TIAM1: variants seen among roughly 807,000 people sequenced by gnomAD.
TIAM1 encodes the protein rho guanine nucleotide exchange factor TIAM1.
TIAM1 carries 65 observed loss-of-function variants against 163.5 expected under a neutral mutation model. The observed-to-expected ratio is 0.40, with a 90% confidence interval of 0.33 to 0.49. The LOEUF is 0.49. TIAM1 is among the 20% of genes least tolerant of loss of function. The pLI is 0.77. For synonymous variants in TIAM1, 833 were observed against 810.1 expected (o/e 1.03, Z -0.48); for missense variants, 1,789 against 2,044.7 (o/e 0.87, Z 2.41).
chr21:31,137,431 C>T (rs1175419462), intron 22 of TIAM1, among the ~76,000 whole-genome samples: 1 of 152,110 alleles, frequency 6.6e-6, no homozygotes, highest in South Asian at 2.1e-4. Flanking sequence ...ATCAACCAAA[C>T]CCCCAGGATA....
At position 31,373,236 on chromosome 21, in the gene TIAM1, G is replaced by C. The variant is rs894153558; in HGVS notation, c.-368-33814C>G. Among the ~76,000 whole-genome samples, 10 of 152,184 alleles carry C rather than the reference G, an allele frequency of 6.6e-5. No individual in the cohort carries two copies. In the South Asian group the frequency reaches 1.2e-3, roughly 19 times the overall value. The stretch of plus-strand genomic sequence containing the variant: ...GCCCGAGAGGCAGAGGTTGCAGTAA[G>C]GTGAGACTATACCACTGCACTCCAG... On this transcript the variant is annotated intron_variant, in intron 2 of 28. Transcript: ENST00000286827.
chr21:31,375,173 T>C (rs1277521352), intron 2 of TIAM1, among the ~76,000 whole-genome samples: 1 of 152,206 alleles, frequency 6.6e-6, no homozygotes, highest in Non-Finnish European at 1.5e-5. Flanking sequence ...AAACATCCAG[T>C]ATGCGGTTGG....
chr21:31,405,167 G>A (rs1429313097), intron 2 of TIAM1, among the ~76,000 whole-genome samples: 2 of 152,108 alleles, frequency 1.3e-5, no homozygotes, highest in African/African-American at 4.8e-5. Flanking sequence ...AGGATCACTT[G>A]ATCCTAGGAG....
chr21:31,537,442 CAAA>C (rs10578615), intron 1 of TIAM1, among the ~76,000 whole-genome samples: 51 of 132,502 alleles, frequency 3.8e-4, no homozygotes, highest in East Asian at 1.0e-3. Flanking sequence ...CAAGAAATCG[CAAA>C]AAAAAAAAAA....
intron 11 of TIAM1, among the ~76,000 whole-genome samples, chr21:31,209,152 G>C (rs2086599896): frequency 6.6e-6 from 1 of 152,168 alleles, no homozygotes; most frequent in Non-Finnish European, 1.5e-5. Flanking sequence ...AACTGACTGT[G>C]ATGTGAGTTC....
intron 2 of TIAM1, among the ~76,000 whole-genome samples, chr21:31,358,546 G>A (rs1431943815): frequency 6.6e-6 from 1 of 152,002 alleles, no homozygotes; most frequent in Non-Finnish European, 1.5e-5. Context: ...TGAGCTAAGG[G>A]CAATTGAACC....
chr21:31,326,808 T>C (rs2075503475), intron 2 of TIAM1, among the ~76,000 whole-genome samples: 1 of 152,202 alleles, frequency 6.6e-6, no homozygotes, highest in Non-Finnish European at 1.5e-5. Context: ...GTTTAACTAA[T>C]GTGCACTTGG....
chr21:31,360,817 G>T (rs566344865), intron 2 of TIAM1, among the ~76,000 whole-genome samples: 3 of 152,286 alleles, frequency 2.0e-5, no homozygotes, highest in African/African-American at 7.2e-5. Flanking sequence ...GCTTGGCCAT[G>T]CTGGTTTTTC....
At chr21:31,392,865 T>C (rs2076991405) in intron 2 of TIAM1, among the ~76,000 whole-genome samples, 2 of 152,066 alleles carry the variant, frequency 1.3e-5, no homozygotes, top group Admixed American at 6.5e-5. Context: ...CTTCATCTTC[T>C]GCCATGAGTA....
intron 2 of TIAM1, among the ~76,000 whole-genome samples, chr21:31,325,250 G>A (rs1049910661): frequency 2.6e-5 from 4 of 151,084 alleles, no homozygotes; most frequent in Admixed American, 2.6e-4. Flanking sequence ...TCATGCCACT[G>A]CACTCTAGCC....
intron 6 of TIAM1, among the ~76,000 whole-genome samples, chr21:31,244,819 ATTC>A (rs2146716399): frequency 6.6e-6 from 1 of 152,370 alleles, no homozygotes; most frequent in East Asian, 1.9e-4. Context: ...TGAGAAAATA[ATTC>A]TTCAATGGAA....
chr21:31,460,646 A>C (rs2045290629), intron 2 of TIAM1, among the ~76,000 whole-genome samples: 1 of 152,180 alleles, frequency 6.6e-6, no homozygotes, highest in Non-Finnish European at 1.5e-5. Context: ...ATGAAAAAGG[A>C]AGTGCTACTG....
intron 1 of TIAM1, among the ~76,000 whole-genome samples, chr21:31,489,809 C>A (rs2046406915): frequency 2.0e-5 from 3 of 152,170 alleles, no homozygotes. Flanking sequence ...AAATCCCCCT[C>A]CCCTCCCCAT....
chr21:31,434,255 T>C (rs541461847), intron 2 of TIAM1, among the ~76,000 whole-genome samples: 97 of 152,286 alleles, frequency 6.4e-4, no homozygotes, highest in African/African-American at 2.2e-3. Flanking sequence ...ACAAAATCTA[T>C]GAAACAATGG....
chr21:31,197,118 G>A (rs917578217), intron 12 of TIAM1, among the ~76,000 whole-genome samples: 1 of 152,158 alleles, frequency 6.6e-6, no homozygotes, highest in Non-Finnish European at 1.5e-5. Flanking sequence ...CAAGGGTTGT[G>A]AGACTAACTG....
intron 10 of TIAM1, among the ~76,000 whole-genome samples, chr21:31,212,236 C>T (rs1275762398): frequency 6.6e-6 from 1 of 152,242 alleles, no homozygotes; most frequent in Middle Eastern, 3.4e-3. Context: ...CCTCCAATAG[C>T]AGAACTCCCC....
At chr21:31,214,367 G>T (rs188589452) in intron 9 of TIAM1, among the ~76,000 whole-genome samples, 3 of 151,768 alleles carry the variant, frequency 2.0e-5, no homozygotes, top group Admixed American at 6.6e-5. Context: ...AAAAGAAAAA[G>T]AAAAATATAA....
At chr21:31,268,087 C>T (rs1014257770) in intron 3 of TIAM1, among the ~76,000 whole-genome samples, 3 of 152,104 alleles carry the variant, frequency 2.0e-5, no homozygotes, top group African/African-American at 7.2e-5. Flanking sequence ...TAAGATAACG[C>T]ACATGAAAAT....
At chr21:31,456,418 C>T (rs1427433239) in intron 2 of TIAM1, among the ~76,000 whole-genome samples, 1 of 152,206 alleles carries the variant, frequency 6.6e-6, no homozygotes, top group East Asian at 1.9e-4. Flanking sequence ...CTTCCTCGAG[C>T]TCCTGTTCCC....
Sources: allele counts gnomAD v4.1 joint callset (sites outside exome capture counted in the v4.1 genomes callset), GRCh38; gene constraint gnomAD v4.1.1; transcripts MANE v1.5; gene names NCBI Gene and HGNC (gene_info 2026-07-23, HGNC 2026-07-21).